The following NXPE4 variants were observed in gnomAD, a reference collection of about 807,000 sequenced individuals.
The protein encoded by NXPE4 is NXPE family member 4.
A neutral mutation model predicts 33.3 loss-of-function variants in NXPE4; 42 were observed. The observed-to-expected ratio is 1.26, with a 90% CI of 0.98 to 1.63. The LOEUF is 1.63. NXPE4 is among the 40% of genes most tolerant of loss of function. NXPE4 has a pLI of 0.00. For synonymous variants in NXPE4, 253 were observed against 234.9 expected (o/e 1.08, Z -0.71); for missense variants, 709 against 647.6 (o/e 1.09, Z -1.03).
chr11:114,651,379 G>A, the NXPE4 span, among the ~76,000 whole-genome samples: 2 of 152,060 alleles, frequency 1.3e-5, no homozygotes. Context: ...TGGGTTCGTG[G>A]TCTCGTGGTC....
chr11:114,625,980 C>T, the NXPE4 span, among the ~76,000 whole-genome samples: 7 of 143,006 alleles, frequency 4.9e-5, no homozygotes, highest in Admixed American at 2.7e-4. Flanking sequence ...GCTTAAAAAA[C>T]GGCGCACCAG....
intron 2 of NXPE4, among the ~76,000 whole-genome samples, chr11:114,587,118 T>G (rs556260476): frequency 6.6e-6 from 1 of 152,296 alleles, no homozygotes; most frequent in Admixed American, 6.5e-5. Flanking sequence ...TTCTCGCTTT[T>G]TTTGCCCCTC....
the NXPE4 span, among the ~76,000 whole-genome samples, chr11:114,665,510 G>A: frequency 6.6e-6 from 1 of 152,098 alleles, no homozygotes; most frequent in African/African-American, 2.4e-5. Context: ...AAAGCCTGAG[G>A]TTCTCAAAGC....
the NXPE4 span, among the ~76,000 whole-genome samples, chr11:114,662,005 A>G: frequency 1.3e-5 from 2 of 152,162 alleles, no homozygotes; most frequent in Non-Finnish European, 2.9e-5. Context: ...GGCTCCACCA[A>G]TCACCACCCT....
At chr11:114,586,261 G>T (rs550524730) in intron 2 of NXPE4, among the ~76,000 whole-genome samples, 2 of 152,182 alleles carry the variant, frequency 1.3e-5, no homozygotes, top group South Asian at 2.1e-4. Context: ...CTCACTCCTT[G>T]TATGTCCATG....
the NXPE4 span, among the ~76,000 whole-genome samples, chr11:114,654,799 A>G: frequency 6.6e-6 from 1 of 152,160 alleles, no homozygotes; most frequent in Non-Finnish European, 1.5e-5. Flanking sequence ...ATGTGTCTTT[A>G]TAGTAGAATG....
chr11:114,662,131 T>A, the NXPE4 span, among the ~76,000 whole-genome samples: 1 of 152,110 alleles, frequency 6.6e-6, no homozygotes, highest in African/African-American at 2.4e-5. Flanking sequence ...AAAGAGGCAC[T>A]GAAGAAGTAG....
chr11:114,644,534 T>C, the NXPE4 span, among the ~76,000 whole-genome samples: 1 of 152,142 alleles, frequency 6.6e-6, no homozygotes, highest in African/African-American at 2.4e-5. Flanking sequence ...AATAGAAAAA[T>C]ATCCTATTTG....
the NXPE4 span, among the ~76,000 whole-genome samples, chr11:114,609,711 G>A: frequency 6.6e-6 from 1 of 151,710 alleles, no homozygotes; most frequent in Non-Finnish European, 1.5e-5. Context: ...CTGTTACCCG[G>A]TGGATAATAA....
the NXPE4 span, among the ~76,000 whole-genome samples, chr11:114,607,984 C>T: frequency 7.3e-5 from 11 of 151,562 alleles, no homozygotes; most frequent in Non-Finnish European, 1.5e-4. Context: ...TCGTGAGTCA[C>T]CGCTGCTACC....
intron 2 of NXPE4, among the ~76,000 whole-genome samples, chr11:114,593,944 C>T (rs1272104571): frequency 1.3e-5 from 2 of 151,886 alleles, no homozygotes; most frequent in East Asian, 1.9e-4. Flanking sequence ...TTTGCATGTT[C>T]GTTTTTATTT....
chr11:114,598,357 G>A (rs1949601982), upstream of NXPE4, among the ~76,000 whole-genome samples: 1 of 95,824 alleles, frequency 1.0e-5, no homozygotes, highest in Admixed American at 1.0e-4. Flanking sequence ...CCATTCTGGG[G>A]TCTGGAGGAT....
the NXPE4 span, among the ~76,000 whole-genome samples, chr11:114,659,874 C>T: frequency 0.012 from 1,806 of 152,012 alleles, 62 homozygotes; most frequent in Admixed American, 0.074. Flanking sequence ...AGTAAATCAA[C>T]GAAACAAAGC....
the NXPE4 span, among the ~76,000 whole-genome samples, chr11:114,607,015 G>A: frequency 5.3e-5 from 8 of 152,038 alleles, no homozygotes; most frequent in Admixed American, 5.2e-4. Context: ...ATTGCCTCTA[G>A]AGTAATCACG....
the NXPE4 span, among the ~76,000 whole-genome samples, chr11:114,677,096 G>A: frequency 6.6e-6 from 1 of 151,976 alleles, no homozygotes; most frequent in African/African-American, 2.4e-5. Flanking sequence ...GAGTAGAATC[G>A]TGGTTGCTGA....
chr11:114,584,328 C>T (rs1443568980), intron 2 of NXPE4: 1 of 484,356 alleles, frequency 2.1e-6, no homozygotes, highest in Non-Finnish European at 4.2e-6. Context: ...CTAATGAGTA[C>T]CTGGAGAAGA....
At chr11:114,630,210 G>A in the NXPE4 span, among the ~76,000 whole-genome samples, 231 of 151,696 alleles carry the variant, frequency 1.5e-3, 3 homozygotes, top group African/African-American at 3.9e-3. Flanking sequence ...AGCCCTCATC[G>A]CCAAGTCAAT....
chr11:114,602,945 T>C, the NXPE4 span, among the ~76,000 whole-genome samples: 53 of 149,874 alleles, frequency 3.5e-4, no homozygotes, highest in Non-Finnish European at 5.9e-4. Flanking sequence ...TACAGAATCA[T>C]AATTATCTCA....
rs757098773 is a variant in NXPE4, at chr11:114,571,117, T to C, written c.1456A>G (p.Arg486Gly). 20 of 1,613,926 alleles carry C rather than the reference T, an allele frequency of 1.2e-5. No homozygotes were observed. In the African/African-American group the frequency reaches 2.0e-4, roughly 16 times the overall value. The change falls in exon 6 of 6, where the codon AGA becomes GGA. Residue 486 changes from arginine to glycine, a missense_variant. Transcript: ENST00000375478. The stretch of plus-strand genomic sequence containing the variant: ...ATGTAACCATGAAAGTCACTAAATC[T>C]TTCTGCATCATTGTACATCTCCCTG... ...NIREMYNDAE[R>G]FSDFHGYIQY...
Sources: allele counts gnomAD v4.1 joint callset (sites outside exome capture counted in the v4.1 genomes callset), GRCh38; gene constraint gnomAD v4.1.1; transcripts MANE v1.5; gene names NCBI Gene and HGNC (gene_info 2026-07-23, HGNC 2026-07-21).